Variants in KCTD14 observed in about 807,000 individuals in gnomAD.
KCTD14 encodes BTB/POZ domain-containing protein KCTD14.
A neutral mutation model predicts 5.9 loss-of-function variants in KCTD14; 7 were observed. The observed-to-expected ratio is 1.19, with a 90% CI of 0.68 to 2.23. The LOEUF is 2.23. KCTD14 is among the 30% of genes most tolerant of loss of function. The pLI is 0.00. For missense variants in KCTD14, 342 were observed against 332.2 expected (o/e 1.03, Z -0.23); for synonymous variants, 140 against 133.1 (o/e 1.05, Z -0.36).
At chr11:78,035,528 G>A (rs1857763739) in intron 2 of KCTD14, among the ~76,000 whole-genome samples, 2 of 151,886 alleles carry the variant, frequency 1.3e-5, no homozygotes, top group Non-Finnish European at 2.9e-5. Flanking sequence ...CCCAAACCCT[G>A]CCAAAGGGAC....
At chr11:78,027,420 C>T (rs1260890074), upstream of KCTD14, among the ~76,000 whole-genome samples, 5 of 118,506 alleles carry the variant, frequency 4.2e-5, no homozygotes, top group South Asian at 9.9e-4. Flanking sequence ...TGAAGTGCAG[C>T]GGTGCAACCT....
At chr11:78,023,368 C>T, upstream of KCTD14, 1 of 937,344 alleles carries the variant, frequency 1.1e-6, no homozygotes, top group Non-Finnish European at 1.6e-6. Context: ...GGGCCAAGTG[C>T]AGAAAGAAAT....
At position 78,017,237 on chromosome 11, in the gene KCTD14, C is replaced by T. The variant is rs770546497; in HGVS notation, c.124G>A (p.Glu42Lys). ...STVVELNVGG[E>K]FHTTTLGTLR... ...GTACCCAGGGTGGTGGTGTGGAACT[C>T]ACCCCCGACGTTCAGCTCCACAACA... Residue 42 changes from glutamate (E) to lysine (K), a missense_variant, in exon 2 of 2, where the codon GAG (glutamate) becomes AAG (lysine). Glu to Lys is a moderately conservative substitution (Grantham distance 56). Coordinates refer to ENST00000353172, the MANE Select transcript of KCTD14 (RefSeq NM_023930.4). 1 of 1,606,352 alleles carries T rather than the reference C, an allele frequency of 6.2e-7. No individual in the cohort carries two copies. The highest frequency in any genetic ancestry group is 8.5e-7 in the Non-Finnish European group (1 of 1,174,034).
At chr11:78,037,255 G>C (rs953543895) in intron 2 of KCTD14, among the ~76,000 whole-genome samples, 3 of 152,188 alleles carry the variant, frequency 2.0e-5, no homozygotes, top group Non-Finnish European at 4.4e-5. Flanking sequence ...GTGGGCACAC[G>C]CCCTCCCAGC....
At chr11:78,039,414 A>T (rs1857927098) in intron 1 of KCTD14, among the ~76,000 whole-genome samples, 1 of 152,056 alleles carries the variant, frequency 6.6e-6, no homozygotes, top group African/African-American at 2.4e-5. Flanking sequence ...CTGTAATCCC[A>T]GCTACTCAGG....
chr11:78,036,343 G>A (rs1189573186), intron 2 of KCTD14, among the ~76,000 whole-genome samples: 1 of 152,224 alleles, frequency 6.6e-6, no homozygotes, highest in Non-Finnish European at 1.5e-5. Context: ...GAGGGGAGCT[G>A]ATTTTCACAG....
chr11:78,038,963 G>C (rs1016742932), intron 1 of KCTD14, among the ~76,000 whole-genome samples: 1 of 151,664 alleles, frequency 6.6e-6, no homozygotes, highest in East Asian at 1.9e-4. Context: ...TCCATAGCGG[G>C]AGCAAGGGCC....
chr11:78,031,953 C>T (rs1857632103), intron 2 of KCTD14, among the ~76,000 whole-genome samples: 1 of 152,198 alleles, frequency 6.6e-6, no homozygotes, highest in Non-Finnish European at 1.5e-5. Flanking sequence ...AATGGTGGCT[C>T]ACAGATAATG....
Position 78,016,576 on chromosome 11 carries a change from G to C in KCTD14, c.*17C>G, listed in dbSNP as rs1334926569. The C allele has an allele frequency of 1.3e-6, 2 of 1,599,630 alleles. No individual in the cohort carries two copies. Among genetic ancestry groups the C allele is most frequent in the Non-Finnish European group, 1.7e-6 (2 of 1,169,436 alleles). ...ATAAGCCACGCCAGAATTCATAACAGTCTCTGCTCCTGAGGATCACCACCA... is the reference window on the plus strand; with the variant it reads ...ATAAGCCACGCCAGAATTCATAACACTCTCTGCTCCTGAGGATCACCACCA... On this transcript the variant is annotated 3_prime_UTR_variant, in exon 2 of 2. Transcript: ENST00000353172.
At chr11:78,023,394 T>G, upstream of KCTD14, 1 of 744,544 alleles carries the variant, frequency 1.3e-6, no homozygotes. Context: ...GTCTGTCTAT[T>G]TGGGGCTTCT....
intron 1 of KCTD14, among the ~76,000 whole-genome samples, chr11:78,018,554 G>A (rs1393675983): frequency 6.6e-6 from 1 of 151,884 alleles, no homozygotes; most frequent in Non-Finnish European, 1.5e-5. Flanking sequence ...TAAAAATACA[G>A]TAATTAGCCA....
rs572079998 is a variant in KCTD14, at chr11:78,017,217, C to G, written c.144G>C (p.Leu48=). The change falls in exon 2 of 2, where the codon CTG becomes CTC. Residue 48 remains leucine (L), a synonymous_variant. Transcript: ENST00000353172. ...NVGGEFHTTT[L]GTLRKFPGSK... ...AGCCCGGAAACTTCCTCAGGGTACC[C>G]AGGGTGGTGGTGTGGAACTCACCCC... 2.9e-4 allele frequency: 462 copies of G among 1,612,446 alleles called. 5 individuals are homozygous for G. The South Asian group carries it at 4.8e-3, about 17-fold the overall frequency.
At chr11:78,043,322 A>T (rs1858045160) in intron 1 of KCTD14, among the ~76,000 whole-genome samples, 1 of 152,236 alleles carries the variant, frequency 6.6e-6, no homozygotes, top group Non-Finnish European at 1.5e-5. Flanking sequence ...ATGGTTAGAT[A>T]AAATGATGAT....
chr11:78,016,174 G>A lies in KCTD14; in HGVS notation c.*419C>T. 1 of 205,016 alleles carries A rather than the reference G, an allele frequency of 4.9e-6. No individual in the cohort carries two copies. The highest frequency in any genetic ancestry group is 9.9e-6 in the Non-Finnish European group (1 of 101,084). The allele number at this position is 205,016 out of a possible 1,614,324, so 12.7% of individuals were successfully genotyped here. On this transcript the variant is annotated 3_prime_UTR_variant, in exon 2 of 2. Coordinates refer to ENST00000353172, the MANE Select transcript of KCTD14 (RefSeq NM_023930.4). ...GGGATCAGGAAAGCACCTACTACAT[G>A]AAGGCACATGCCAGGGACAGATGGA...
At chr11:78,028,625 C>T (rs1245843700) in intron 2 of KCTD14, among the ~76,000 whole-genome samples, 1 of 148,722 alleles carries the variant, frequency 6.7e-6, no homozygotes, top group Non-Finnish European at 1.5e-5. Context: ...AAAAAAGCAG[C>T]CTGAGGGGAC....
Position 78,035,759 on chromosome 11 carries a change from C to A in KCTD14, c.-1+2905G>T, listed in dbSNP as rs182045838. Reference sequence around the variant, plus strand: ...ACTTGGTAGGCTGAGGCAGGAGAATCATTTGAACGCAGGAGGCAGAGGTTG... The same window carrying A: ...ACTTGGTAGGCTGAGGCAGGAGAATAATTTGAACGCAGGAGGCAGAGGTTG... On this transcript the variant is annotated intron_variant, in intron 2 of 2. Coordinates refer to the KCTD14 transcript ENST00000533144. 2.9e-3 allele frequency among the ~76,000 whole-genome samples: 401 copies of A among 140,136 alleles called. 1 individual carries two copies. Among genetic ancestry groups the A allele is most frequent in the South Asian group, 8.8e-3 (38 of 4,342 alleles). The allele number at this position is 140,136 out of a possible 152,430, so 91.9% of individuals were successfully genotyped here. A position where few individuals can be genotyped will look rare whatever the true frequency, so the allele number is the denominator to read the frequency against.
At chr11:78,025,118 GTATATATA>G (rs369374652), upstream of KCTD14, among the ~76,000 whole-genome samples, 51 of 44,484 alleles carry the variant, frequency 1.1e-3, no homozygotes, top group Non-Finnish European at 1.6e-3. Context: ...GTGTGTGTGT[GTATATATA>G]TATATATATA....
intron 1 of KCTD14, among the ~76,000 whole-genome samples, chr11:78,017,977 A>G (rs1168971326): frequency 6.6e-6 from 1 of 152,034 alleles, no homozygotes; most frequent in Non-Finnish European, 1.5e-5. Flanking sequence ...CGCGCCTGTA[A>G]TCCCAGCTAC....
intron 1 of KCTD14, among the ~76,000 whole-genome samples, chr11:78,043,540 A>C (rs968992750): frequency 1.4e-4 from 21 of 152,200 alleles, no homozygotes; most frequent in African/African-American, 5.1e-4. Flanking sequence ...GGATAGACTG[A>C]GACAGAGGGA....
Sources: allele counts gnomAD v4.1 joint callset (sites outside exome capture counted in the v4.1 genomes callset), GRCh38; gene constraint gnomAD v4.1.1; transcripts MANE v1.5; gene names NCBI Gene and HGNC (gene_info 2026-07-23, HGNC 2026-07-21).